The following CDH10 variants were observed in gnomAD, a reference collection of about 807,000 sequenced individuals.
CDH10 encodes the protein cadherin 10, also known as cadherin-10.
A neutral mutation model predicts 73.1 loss-of-function variants in CDH10; 30 were observed. The ratio of observed to expected loss-of-function variants is 0.41; its 90% CI spans 0.31 to 0.56. CDH10 has a LOEUF of 0.56. CDH10 is among the 20% of genes least tolerant of loss of function. The pLI is 0.27. For missense variants in CDH10, 815 were observed against 973.7 expected, an observed-to-expected ratio of 0.84 and a Z score of 2.17; for synonymous variants, 345 against 348.2, an observed-to-expected ratio of 0.99 and a Z score of 0.10.
chr5:24,561,579 C>A (rs923583473), intron 2 of CDH10, among the ~76,000 whole-genome samples: 1 of 152,014 alleles, frequency 6.6e-6, no homozygotes, highest in Non-Finnish European at 1.5e-5. Flanking sequence ...AGGCATATAC[C>A]AACTTACAGT....
intron 1 of CDH10, among the ~76,000 whole-genome samples, chr5:24,621,140 C>T (rs1227332430): frequency 6.6e-6 from 1 of 152,098 alleles, no homozygotes; most frequent in Non-Finnish European, 1.5e-5. Flanking sequence ...CATGAGAGCC[C>T]TTAGTGTGCC....
At chr5:24,574,438 CA>C (rs778728419) in intron 2 of CDH10, among the ~76,000 whole-genome samples, 9 of 151,972 alleles carry the variant, frequency 5.9e-5, no homozygotes, top group Non-Finnish European at 1.2e-4. Flanking sequence ...GGATATTGGC[CA>C]AAATAGATGA....
intron 5 of CDH10, among the ~76,000 whole-genome samples, chr5:24,514,132 TCCTA>T (rs770975618): frequency 9.2e-5 from 14 of 152,188 alleles, no homozygotes; most frequent in Non-Finnish European, 1.8e-4. Flanking sequence ...TATAGAAGCT[TCCTA>T]CCTAGTCTAC....
chr5:24,604,653 A>G (rs1300567135), intron 1 of CDH10, among the ~76,000 whole-genome samples: 1 of 152,072 alleles, frequency 6.6e-6, no homozygotes, highest in Admixed American at 6.5e-5. Context: ...CCGGCAGATC[A>G]CCTGAAGTCA....
intron 2 of CDH10, among the ~76,000 whole-genome samples, chr5:24,586,434 C>CTTTTTTTTTTTT (rs35486231): frequency 5.0e-5 from 5 of 100,426 alleles, no homozygotes; most frequent in African/African-American, 8.2e-5. Flanking sequence ...TTATTAACTC[C>CTTTTTTTTTTTT]TTTTTTTTTT....
At position 24,522,015 on chromosome 5, in the gene CDH10, T is replaced by C. The variant is rs1011065000; in HGVS notation, c.815-10501A>G. 3.3e-5 allele frequency among the ~76,000 whole-genome samples: 5 copies of C among 151,918 alleles called. No homozygotes were observed. The East Asian group carries it at 9.7e-4, about 30-fold the overall frequency. On this transcript the variant is annotated intron_variant, in intron 5 of 11. Coordinates refer to ENST00000264463, the MANE Select transcript of CDH10 (RefSeq NM_006727.5). Reference sequence around the variant, plus strand: ...CTGGTATGGTGGCAGGCGCCTGTAGTCCCAGCTACTCAGGAAGCTGAGACA... The same window carrying C: ...CTGGTATGGTGGCAGGCGCCTGTAGCCCCAGCTACTCAGGAAGCTGAGACA...
In CDH10 at chr5:24,487,605, G is replaced by GT. The variant is rs1249850513; in HGVS notation, c.*57dup. 18 of 1,505,144 alleles carry GT rather than the reference G, an allele frequency of 1.2e-5. No homozygotes were observed. Among genetic ancestry groups the GT allele is most frequent in the Non-Finnish European group, 1.6e-5 (18 of 1,114,268 alleles). 93.2% of individuals were successfully genotyped at this position (1,505,144 alleles called of 1,614,324 possible). On this transcript the variant is annotated 3_prime_UTR_variant, in exon 12 of 12. Coordinates refer to ENST00000264463, the MANE Select transcript of CDH10 (RefSeq NM_006727.5). ...GCTCCTGAATATCAAATATTGTGAA[G>GT]TGGAGACAGCATGGGTAGAGTTACT...
intron 2 of CDH10, among the ~76,000 whole-genome samples, chr5:24,579,110 T>C (rs938014400): frequency 2.0e-5 from 3 of 151,900 alleles, no homozygotes; most frequent in Non-Finnish European, 4.4e-5. Flanking sequence ...TAAATATATA[T>C]GAAAAGATTT....
intron 2 of CDH10, among the ~76,000 whole-genome samples, chr5:24,572,935 G>GAAAAAAAAAAAAAAAAAA (rs55946839): frequency 1.4e-5 from 1 of 72,100 alleles, no homozygotes; most frequent in African/African-American, 5.5e-5. Context: ...CTTAGAAAAA[G>GAAAAAAAAAAAAAAAAAA]AAAAAAAAAA....
chr5:24,491,621 T>G lies in CDH10; in HGVS notation c.1831A>C (p.Thr611Pro), dbSNP rs1364403854. Residue 611 changes from threonine (T) to proline (P), a missense_variant, in exon 11 of 12, where the codon ACT (threonine) becomes CCT (proline). By Grantham distance (38) the Thr-to-Pro change is conservative (BLOSUM62 -1). This residue lies in a region of CDH10 where 241 missense variants were observed against 240.3 expected (regional missense o/e 1.00). Transcript: ENST00000264463. ...AGGAGGATGGCGATCAAGGCCCCAG[T>G]GCTGAGGCCGGCAGGGAGGAGCAGG... is the stretch of plus-strand genomic sequence containing the variant. ...EALLLPAGLSTGALIAILLCI... is the reference protein window; with the variant it reads ...EALLLPAGLSPGALIAILLCI... The G allele has an allele frequency of 6.2e-7, 1 of 1,613,486 alleles. No homozygotes were observed. The highest frequency in any genetic ancestry group is 8.5e-7 in the Non-Finnish European group (1 of 1,179,608).
intron 2 of CDH10, among the ~76,000 whole-genome samples, chr5:24,576,436 A>G (rs575013593): frequency 1.3e-5 from 2 of 152,188 alleles, no homozygotes; most frequent in South Asian, 4.1e-4. Flanking sequence ...TTTTTATTTG[A>G]AAAATGTCTT....
At chr5:24,546,090 G>A (rs943310863) in intron 2 of CDH10, among the ~76,000 whole-genome samples, 3 of 152,066 alleles carry the variant, frequency 2.0e-5, no homozygotes, top group Non-Finnish European at 4.4e-5. Context: ...AGAGATAAAC[G>A]AAGTTGGATC....
chr5:24,513,306 A>G (rs933620696), intron 5 of CDH10, among the ~76,000 whole-genome samples: 8 of 152,178 alleles, frequency 5.3e-5, no homozygotes, highest in African/African-American at 1.9e-4. Context: ...GGCATGAGCC[A>G]CTGTGCCCGG....
intron 9 of CDH10, among the ~76,000 whole-genome samples, chr5:24,497,017 C>T (rs530609362): frequency 9.9e-5 from 15 of 152,188 alleles, no homozygotes; most frequent in African/African-American, 3.1e-4. Context: ...TCAAGATAGG[C>T]TAATTCCCTT....
intron 1 of CDH10, among the ~76,000 whole-genome samples, chr5:24,614,568 C>G (rs547064593): frequency 6.6e-6 from 1 of 152,032 alleles, no homozygotes; most frequent in Non-Finnish European, 1.5e-5. Flanking sequence ...CAGGGATGAA[C>G]GTCTCCATTT....
At chr5:24,567,450 C>A (rs1387637929) in intron 2 of CDH10, among the ~76,000 whole-genome samples, 1 of 151,338 alleles carries the variant, frequency 6.6e-6, no homozygotes, top group African/African-American at 2.4e-5. Context: ...TGTGGAAGAG[C>A]ACTCACTCAG....
intron 2 of CDH10, among the ~76,000 whole-genome samples, chr5:24,538,476 C>G (rs1744039197): frequency 6.6e-6 from 1 of 152,054 alleles, no homozygotes; most frequent in Non-Finnish European, 1.5e-5. Flanking sequence ...ATCACTTCAT[C>G]ACATCAAAGA....
chr5:24,617,046 T>C (rs557773489), intron 1 of CDH10, among the ~76,000 whole-genome samples: 2 of 152,302 alleles, frequency 1.3e-5, no homozygotes, highest in East Asian at 3.9e-4. Context: ...AAGGGAATGG[T>C]CAATCCAGCC....
chr5:24,520,872 A>G (rs2202515), intron 5 of CDH10, among the ~76,000 whole-genome samples: 73,402 of 151,682 alleles, frequency 0.48, 17,862 homozygotes, highest in East Asian at 0.58. Flanking sequence ...GATTACAGGC[A>G]TGTGCCACTG....
Sources: allele counts gnomAD v4.1 joint callset (sites outside exome capture counted in the v4.1 genomes callset), GRCh38; gene constraint gnomAD v4.1.1; regional missense constraint gnomAD v4.1.1; transcripts MANE v1.5; gene names NCBI Gene and HGNC (gene_info 2026-07-23, HGNC 2026-07-21).